Variants in ATP10B observed in about 807,000 individuals in gnomAD.
ATP10B encodes ATPase phospholipid transporting 10B (putative), also known as phospholipid-transporting ATPase VB.
A neutral mutation model predicts 141.2 loss-of-function variants in ATP10B; 122 were observed. The observed-to-expected ratio is 0.86, with a 90% confidence interval of 0.75 to 1.00. The LOEUF (loss-of-function observed/expected upper bound fraction) is 1.00, where lower values mean the gene tolerates loss of function less well. Among genes scored for constraint, ATP10B ranks in the 50% least tolerant of loss-of-function variants. The pLI is 0.00. For synonymous variants in ATP10B, 685 were observed against 692.0 expected (o/e 0.99, Z 0.16); for missense variants, 1,876 against 1,825.3 (o/e 1.03, Z -0.51).
At chr5:160,907,789 T>C in the ATP10B span, among the ~76,000 whole-genome samples, 1 of 152,222 alleles carries the variant, frequency 6.6e-6, no homozygotes, top group African/African-American at 2.4e-5. Flanking sequence ...ATGGCAGAGA[T>C]AGTACTTGCC....
At chr5:160,575,091 C>A (rs1755112857) in intron 24 of ATP10B, among the ~76,000 whole-genome samples, 1 of 151,990 alleles carries the variant, frequency 6.6e-6, no homozygotes, top group South Asian at 2.1e-4. Flanking sequence ...AACTTTAAAT[C>A]CTTTGGGTCT....
rs1428653719 is a variant in ATP10B, at chr5:160,564,328, T to A, written c.*1125A>T. ...CTTTAACACTGTTTTGAGCTTTTTT[T>A]ATATAGTTGACATTTATAAACTCTA... On this transcript the variant is annotated 3_prime_UTR_variant, in exon 26 of 26. Coordinates refer to ENST00000327245, the MANE Select transcript of ATP10B (RefSeq NM_025153.3). 6.6e-6 allele frequency: 1 copy of A among 152,212 alleles called. No individual in the cohort carries two copies. Among genetic ancestry groups the A allele is most frequent in the Non-Finnish European group, 1.5e-5 (1 of 68,038 alleles). 9.4% of individuals were successfully genotyped at this position (152,212 alleles called of 1,614,324 possible). A position where few individuals can be genotyped will look rare whatever the true frequency, so the allele number is the denominator to read the frequency against.
chr5:160,623,763 C>A (rs1257323953), intron 13 of ATP10B, among the ~76,000 whole-genome samples: 3 of 152,220 alleles, frequency 2.0e-5, no homozygotes, highest in African/African-American at 7.2e-5. Flanking sequence ...GCAGTGAGAT[C>A]TTAACCAGAG....
chr5:160,852,512 T>A (rs1561925581), upstream of ATP10B, among the ~76,000 whole-genome samples: 1 of 152,132 alleles, frequency 6.6e-6, no homozygotes, highest in African/African-American at 2.4e-5. Context: ...CAAGGGCACT[T>A]AAGAAAGAAA....
chr5:160,816,068 C>T (rs1773595680), intron 1 of ATP10B, among the ~76,000 whole-genome samples: 1 of 151,756 alleles, frequency 6.6e-6, no homozygotes, highest in African/African-American at 2.4e-5. Flanking sequence ...CATGAAAGAT[C>T]TAAAATTGAC....
chr5:160,597,048 C>A (rs1201477749), intron 22 of ATP10B, among the ~76,000 whole-genome samples: 1 of 152,058 alleles, frequency 6.6e-6, no homozygotes, highest in East Asian at 1.9e-4. Context: ...AAACTACTTT[C>A]AAGTTCATAT....
In ATP10B at chr5:160,591,085, G is replaced by A. The variant is rs780209093; in HGVS notation, c.3619C>T (p.Leu1207Phe). The change falls in exon 23 of 26, where the codon CTC becomes TTC. Residue 1207 changes from leucine (L) to phenylalanine (F), a missense_variant. Physicochemically the swap from Leu to Phe is conservative, Grantham distance 22. Transcript: ENST00000327245. Reference sequence around the variant, plus strand: ...AGGTAAGGGATAAAGAAACAGATGAGGCTCTGGTAGAATGCATCCACCATA... The same window carrying A: ...AGGTAAGGGATAAAGAAACAGATGAAGCTCTGGTAGAATGCATCCACCATA... ...ISMVDAFYQS[L>F]ICFFIPYLAY... The A allele has an allele frequency of 9.9e-6, 16 of 1,613,898 alleles. No individual in the cohort carries two copies. The highest frequency in any genetic ancestry group is 1.0e-5 in the Non-Finnish European group (12 of 1,179,922).
At chr5:160,623,724 G>GGAT (rs1758474312) in intron 13 of ATP10B, among the ~76,000 whole-genome samples, 1 of 152,108 alleles carries the variant, frequency 6.6e-6, no homozygotes, top group Non-Finnish European at 1.5e-5. Context: ...TTTACCCCAG[G>GGAT]GATCTGATGC....
chr5:160,844,208 A>ATT (rs1164421681), intron 1 of ATP10B, among the ~76,000 whole-genome samples: 1 of 152,172 alleles, frequency 6.6e-6, no homozygotes. Flanking sequence ...ATATATATAT[A>ATT]TACACACACA....
intron 20 of ATP10B, 34 bp downstream of exon 20, chr5:160,603,931 C>A (rs762815274): frequency 9.5e-6 from 15 of 1,575,064 alleles, no homozygotes; most frequent in Non-Finnish European, 1.2e-5. Flanking sequence ...CAACTAAGGA[C>A]CAAAGAAAGA....
chr5:160,634,647 G>T (rs192729920), intron 11 of ATP10B, 41 bp from the exon 12 acceptor site: 5 of 1,557,254 alleles, frequency 3.2e-6, no homozygotes, highest in African/African-American at 1.4e-5. Flanking sequence ...AACCAGGCAG[G>T]TTCCCTCCCT....
chr5:160,767,294 T>C (rs1464334881), intron 2 of ATP10B, among the ~76,000 whole-genome samples: 4 of 152,170 alleles, frequency 2.6e-5, no homozygotes, highest in Admixed American at 2.6e-4. Context: ...AGTCACGCTT[T>C]GGGCAACCTG....
intron 2 of ATP10B, among the ~76,000 whole-genome samples, chr5:160,728,515 T>C (rs1766520114): frequency 6.6e-6 from 1 of 152,308 alleles, no homozygotes; most frequent in African/African-American, 2.4e-5. Context: ...AACACACCCA[T>C]GGCTCCATGG....
chr5:160,888,838 A>G, the ATP10B span, among the ~76,000 whole-genome samples: 1 of 152,208 alleles, frequency 6.6e-6, no homozygotes, highest in Non-Finnish European at 1.5e-5. Context: ...CAGATTTTAC[A>G]ATTTATACAC....
chr5:160,819,512 T>C (rs1773942168), intron 1 of ATP10B, among the ~76,000 whole-genome samples: 2 of 152,152 alleles, frequency 1.3e-5, no homozygotes, highest in South Asian at 4.1e-4. Context: ...TTATGGTAAG[T>C]ACACAGAAAA....
chr5:160,701,887 G>A (rs1764704897), intron 3 of ATP10B, among the ~76,000 whole-genome samples: 1 of 151,238 alleles, frequency 6.6e-6, no homozygotes, highest in Non-Finnish European at 1.5e-5. Flanking sequence ...TGCCTCCTGG[G>A]AGCAGTCATC....
intron 4 of ATP10B, 89 bp downstream of exon 4, chr5:160,688,671 A>G (rs1404734082): frequency 2.8e-6 from 2 of 709,848 alleles, no homozygotes; most frequent in African/African-American, 3.9e-5. Flanking sequence ...ATTGGGACAC[A>G]TCTTAAAACA....
chr5:160,789,318 T>A (rs1667685154), intron 1 of ATP10B, among the ~76,000 whole-genome samples: 1 of 152,144 alleles, frequency 6.6e-6, no homozygotes, highest in Non-Finnish European at 1.5e-5. Flanking sequence ...GTGATTTTTT[T>A]ATTGTGTAAA....
intron 6 of ATP10B, among the ~76,000 whole-genome samples, chr5:160,683,045 A>ACCC (rs1204101477): frequency 2.3e-4 from 33 of 145,918 alleles, no homozygotes; most frequent in Non-Finnish European, 3.6e-4. Context: ...TCCCCCAAAA[A>ACCC]AAAAAAAAAA....
Sources: gnomAD v4.1 joint callset for allele counts (sites outside exome capture counted in the v4.1 genomes callset) on GRCh38, gnomAD v4.1.1 for gene constraint, MANE v1.5 for transcripts, NCBI Gene and HGNC (gene_info 2026-07-23, HGNC 2026-07-21) for gene names.